The following LAMA5 variants were observed in gnomAD, a reference collection of about 807,000 sequenced individuals.
LAMA5 encodes the protein laminin subunit alpha 5, also known as laminin subunit alpha-5.
In LAMA5, 260 loss-of-function variants were observed where a neutral mutation model predicts 433.4. The ratio of observed to expected loss-of-function variants is 0.60; its 90% CI spans 0.54 to 0.66. The LOEUF is 0.66. LAMA5 is among the 30% of genes least tolerant of loss of function. The probability of loss-of-function intolerance (pLI) is 0.00; values close to 1 mark genes in which losing one functional copy is unlikely to be tolerated. For synonymous variants in LAMA5, 2,620 were observed against 2,226.6 expected (o/e 1.18, Z -4.97); for missense variants, 5,378 against 5,258.5 (o/e 1.02, Z -0.70).
At position 62,324,506 on chromosome 20, in the gene LAMA5, G is replaced by A. The variant is rs913476212; in HGVS notation, c.5578C>T (p.Arg1860Ter). 5 of 1,612,344 alleles carry A rather than the reference G, an allele frequency of 3.1e-6. No homozygotes were observed. Among genetic ancestry groups the A allele is most frequent in the Non-Finnish European group, 4.2e-6 (5 of 1,179,776 alleles). ...CCATGGCACTGACAAGGGACACATC[G>A]GCCCAGGAAGAGACCTTTGACGTCC... ...YRDVKGLFLGRCVPCQCHGHS... is the reference protein window; with the variant it reads ...YRDVKGLFLG The change falls in exon 42 of 80, where the codon CGA becomes TGA. Residue 1860 changes from arginine to a stop codon, truncating the protein, a stop_gained. Coordinates refer to ENST00000252999, the MANE Select transcript of LAMA5 (RefSeq NM_005560.6). LOFTEE classifies it high-confidence loss of function. The surrounding 1 kb of genome is among the most constrained non-coding windows in gnomAD (Gnocchi z 4.4).
At chr20:62,340,754 GC>G (rs1982467414) in intron 11 of LAMA5, among the ~76,000 whole-genome samples, 1 of 151,518 alleles carries the variant, frequency 6.6e-6, no homozygotes, top group South Asian at 2.1e-4. Flanking sequence ...GGCAGAAACT[GC>G]CAGGCGCAGT....
intron 41 of LAMA5, chr20:62,325,100 G>A (rs530602957): frequency 2.9e-5 from 17 of 577,038 alleles, no homozygotes; most frequent in Non-Finnish European, 4.0e-5. Context: ...GCAGGCGGAT[G>A]AGGGGCAGGC....
At chr20:62,325,115 G>GGATGAGGGGCAGGCA (rs149996168) in intron 41 of LAMA5, 238,518 of 536,994 alleles carry the variant, frequency 0.44, 57,956 homozygotes, top group African/African-American at 0.7. Flanking sequence ...GCAGGCAGGC[G>GGATGAGGGGCAGGCA]GACGAGGGGC....
rs370592432 is a variant in LAMA5, at chr20:62,329,227, G to A, written c.4146C>T (p.Asn1382=). 4.9e-5 allele frequency: 79 copies of A among 1,612,476 alleles called. No individual in the cohort carries two copies. Among genetic ancestry groups the A allele is most frequent in the South Asian group, 2.4e-4 (22 of 91,088 alleles). ...WLDYVLVVPE[N]VYSFGYLREE... ...CCCGGAGGTAGCCAAAGCTGTAGAC[G>A]TTCTCAGGGACCACGAGTACATAAT... Residue 1382 remains asparagine (N), a synonymous_variant, in exon 33 of 80, where the codon AAC becomes AAT. Transcript: ENST00000252999.
intron 53 of LAMA5, 25 bp downstream of exon 53, chr20:62,318,429 G>C (rs372660108): frequency 6.9e-6 from 11 of 1,583,916 alleles, no homozygotes; most frequent in East Asian, 4.5e-5. Context: ...AGGAGCAGGA[G>C]GAAGAACAAG....
chr20:62,330,573 G>C lies in LAMA5; in HGVS notation c.3894C>G (p.Arg1298=), dbSNP rs949468195. 1 of 1,593,052 alleles carries C rather than the reference G, an allele frequency of 6.3e-7. No individual in the cohort carries two copies. Among genetic ancestry groups the C allele is most frequent in the East Asian group, 2.3e-5 (1 of 44,188 alleles). Residue 1298 remains arginine, a synonymous_variant, in exon 31 of 80, where the codon CGC becomes CGG. Transcript: ENST00000252999. The part of the protein sequence containing the change: ...VFTTHVPTLG[R]YAFLLHGYQP... Reference sequence around the variant, plus strand: ...GGTAGCCGTGCAGCAGGAAGGCATAGCGGCCCAGCGTGGGCACATGGGTGG... The same window carrying C: ...GGTAGCCGTGCAGCAGGAAGGCATACCGGCCCAGCGTGGGCACATGGGTGG...
chr20:62,312,680 G>C lies in LAMA5; in HGVS notation c.9179C>G (p.Ala3060Gly), dbSNP rs961793559. Residue 3060 changes from alanine to glycine, a missense_variant, in exon 67 of 80, where the codon GCC (alanine) becomes GGC (glycine). Physicochemically the swap from Ala to Gly is moderately conservative, Grantham distance 60. Transcript: ENST00000252999. ...SVEQDNDLEL[A>G]DAYYLGGVPP... ...CACGCCCCCCAGGTAGTAGGCGTCGGCCAGCTCCAGATCATTGTCCTGCTC... is the reference window on the plus strand; with the variant it reads ...CACGCCCCCCAGGTAGTAGGCGTCGCCCAGCTCCAGATCATTGTCCTGCTC... 2 of 1,606,962 alleles carry C rather than the reference G, an allele frequency of 1.2e-6. No homozygotes were observed. Among genetic ancestry groups the C allele is most frequent in the Non-Finnish European group, 1.7e-6 (2 of 1,177,630 alleles).
rs777041004 is a variant in LAMA5 at position 62,323,631 on chromosome 20, G to A, written c.5889C>T (p.Gly1963=). Residue 1963 remains glycine, a synonymous_variant, in exon 45 of 80, where the codon GGC becomes GGT. Coordinates refer to ENST00000252999, the MANE Select transcript of LAMA5 (RefSeq NM_005560.6). The part of the protein sequence containing the change: ...PGFFGNPLVL[G]SSCQPCDCSG... ...TGCAGTCGCATGGCTGGCAGGAGCT[G>A]CCCAGCACCAGTGGGTTCCCAAAGA... 5 of 1,611,106 alleles carry A rather than the reference G, an allele frequency of 3.1e-6. No individual in the cohort carries two copies. In the African/African-American group the frequency reaches 5.3e-5, roughly 17 times the overall value.
chr20:62,345,618 GCTAA>G lies in LAMA5; in HGVS notation c.1477+196_1477+199del, dbSNP rs533264895. 665 of 658,324 alleles carry G rather than the reference GCTAA, an allele frequency of 1.0e-3. 13 individuals are homozygous for G. Among genetic ancestry groups the G allele is most frequent in the South Asian group, 9.9e-3 (592 of 59,530 alleles). The allele number at this position is 658,324 out of a possible 1,614,324, so 40.8% of individuals were successfully genotyped here. On this transcript the variant is annotated intron_variant, in intron 11 of 79. Transcript: ENST00000252999. ...GACAGGGTTTTACCATGTTGCCTGG[GCTAA>G]CTTTTTTCTTTGGCTTTATGCTGAC...
chr20:62,333,494 G>GGTGGTGCTGAGAGTGGTGCTGAGA lies in LAMA5; in HGVS notation c.3022-14_3022-13insTCTCAGCACCACTCTCAGCACCAC, dbSNP rs773210545. ...GAACCACGTAGTCCTGCAGGGTGGAGGTGGTGCTGAGAGTGGTGGGCCCCA... is the reference window on the plus strand; with the variant it reads ...GAACCACGTAGTCCTGCAGGGTGGAGGTGGTGCTGAGAGTGGTGCTGAGAGTGGTGCTGAGAGTGGTGGGCCCCA... On this transcript the variant is annotated splice_polypyrimidine_tract_variant and intron_variant, in intron 24 of 79. Transcript: ENST00000252999. 1.3e-5 allele frequency: 21 copies of GGTGGTGCTGAGAGTGGTGCTGAGA among 1,607,784 alleles called. No homozygotes were observed. The South Asian group carries it at 1.7e-4, about 13-fold the overall frequency.
In LAMA5 at chr20:62,322,012, G is replaced by C. The variant is rs755089235; in HGVS notation, c.6496+7C>G. On this transcript the variant is annotated splice_region_variant and intron_variant, in intron 48 of 79. Coordinates refer to ENST00000252999, the MANE Select transcript of LAMA5 (RefSeq NM_005560.6). The stretch of plus-strand genomic sequence containing the variant: ...AGGTGTGGGGAAGTGGGGTGTTGAG[G>C]ACACACCTTCACAGTGGATGCTGTG... The C allele has an allele frequency of 1.3e-6, 2 of 1,597,646 alleles. No individual in the cohort carries two copies. The highest frequency in any genetic ancestry group is 1.7e-6 in the Non-Finnish European group (2 of 1,178,760).
chr20:62,317,544 C>T (rs6062215), intron 54 of LAMA5, 45 bp from the exon 55 acceptor site: 2 of 1,525,850 alleles, frequency 1.3e-6, no homozygotes, highest in East Asian at 2.3e-5. Context: ...TCACAGCCAC[C>T]TGATCCACGA....
chr20:62,361,315 C>A (rs1378213157), intron 2 of LAMA5, among the ~76,000 whole-genome samples: 1 of 152,176 alleles, frequency 6.6e-6, no homozygotes, highest in African/African-American at 2.4e-5. Context: ...CAACCCCTCC[C>A]CAGCTCCCCG....
At chr20:62,345,613 C>A in intron 11 of LAMA5, 1 of 660,420 alleles carries the variant, frequency 1.5e-6, no homozygotes. Context: ...TACCATGTTG[C>A]CTGGGCTAAC....
In LAMA5 at chr20:62,313,808, G is replaced by A. The variant is rs368634801; in HGVS notation, c.8505-6C>T. 2 of 1,612,302 alleles carry A rather than the reference G, an allele frequency of 1.2e-6. No homozygotes were observed. The highest frequency in any genetic ancestry group is 1.7e-6 in the Non-Finnish European group (2 of 1,179,794). On this transcript the variant is annotated splice_region_variant and splice_polypyrimidine_tract_variant and intron_variant, in intron 62 of 79. Coordinates refer to ENST00000252999, the MANE Select transcript of LAMA5 (RefSeq NM_005560.6). ...TGTGGCCAAACTGGAGAGTCCTGAG[G>A]GCAGAGGCGAGGGGTGGCGAGTGGG... is the stretch of plus-strand genomic sequence containing the variant.
chr20:62,348,556 G>A (rs1232130367), intron 6 of LAMA5, among the ~76,000 whole-genome samples: 5 of 152,012 alleles, frequency 3.3e-5, no homozygotes, highest in Non-Finnish European at 7.4e-5. Context: ...GCAGTGAGCC[G>A]AGATTGCACC....
chr20:62,335,810 C>A (rs1052380380), intron 18 of LAMA5, among the ~76,000 whole-genome samples: 1 of 59,998 alleles, frequency 1.7e-5, no homozygotes, highest in African/African-American at 3.3e-5. Flanking sequence ...CCCCCTGCAC[C>A]CCAACATTCC....
chr20:62,333,299 C>A, intron 25 of LAMA5, 56 bp from the exon 26 acceptor site: 8 of 1,587,944 alleles, frequency 5.0e-6, no homozygotes, highest in Non-Finnish European at 6.8e-6. Context: ...CCAGAGACAG[C>A]CTGAGTGGGG....
intron 35 of LAMA5, 50 bp from the exon 36 acceptor site, chr20:62,328,060 C>G (rs1349387679): frequency 3.1e-6 from 5 of 1,606,022 alleles, no homozygotes; most frequent in Non-Finnish European, 3.4e-6. Context: ...TCACTCACAC[C>G]AAAGTGAGAC....
Sources: gnomAD v4.1 joint callset for allele counts (sites outside exome capture counted in the v4.1 genomes callset) on GRCh38, gnomAD v4.1.1 for gene constraint, Gnocchi (gnomAD v3.1) non-coding constraint, MANE v1.5 for transcripts, NCBI Gene and HGNC (gene_info 2026-07-23, HGNC 2026-07-21) for gene names.